The following DNAJC25 variants were observed in gnomAD, a reference collection of about 807,000 sequenced individuals.
The protein encoded by DNAJC25 is dnaJ homolog subfamily C member 25.
Under a neutral mutation model 42.1 loss-of-function variants are expected in DNAJC25, and 26 were observed. The observed-to-expected ratio is 0.62, with a 90% CI of 0.45 to 0.86. The LOEUF (loss-of-function observed/expected upper bound fraction) is 0.86. Among genes scored for constraint, DNAJC25 ranks in the 40% least tolerant of loss-of-function variants. DNAJC25 has a pLI of 0.00. For synonymous variants in DNAJC25, 189 were observed against 179.9 expected, an observed-to-expected ratio of 1.05 and a Z score of -0.40; for missense variants, 404 against 459.4, an observed-to-expected ratio of 0.88 and a Z score of 1.10.
chr9:111,640,989 G>A (rs1181139003), intron 1 of DNAJC25, among the ~76,000 whole-genome samples: 1 of 105,538 alleles, frequency 9.5e-6, no homozygotes, highest in Non-Finnish European at 1.8e-5. Context: ...CGTGCCGTCC[G>A]GGAGGGAGGT....
chr9:111,653,292 A>T lies in DNAJC25; in HGVS notation c.*70A>T. 2 of 1,397,448 alleles carry T rather than the reference A, an allele frequency of 1.4e-6. No homozygotes were observed. Among genetic ancestry groups the T allele is most frequent in the Non-Finnish European group, 1.9e-6 (2 of 1,064,818 alleles). The allele number at this position is 1,397,448 out of a possible 1,614,324, so 86.6% of individuals were successfully genotyped here. A position where few individuals can be genotyped will look rare whatever the true frequency, so the allele number is the denominator to read the frequency against. On this transcript the variant is annotated 3_prime_UTR_variant, in exon 4 of 4. Transcript: ENST00000313525. ...TTTTCATAACTGAATTATTTTAGAA[A>T]TGTATCAATTGACTGCTGCTCAGCA...
chr9:111,640,010 C>T (rs975166586), intron 1 of DNAJC25, among the ~76,000 whole-genome samples: 1 of 151,432 alleles, frequency 6.6e-6, no homozygotes, highest in Admixed American at 6.6e-5. Flanking sequence ...TGTACTGCTG[C>T]CATCTCGGCT....
At chr9:111,632,836 T>G (rs1277246153) in intron 1 of DNAJC25, among the ~76,000 whole-genome samples, 1 of 152,162 alleles carries the variant, frequency 6.6e-6, no homozygotes, top group Non-Finnish European at 1.5e-5. Flanking sequence ...GCTAACAACT[T>G]TATTGATGCC....
intron 1 of DNAJC25, among the ~76,000 whole-genome samples, chr9:111,642,645 AAAAT>A (rs955148224): frequency 1.1e-4 from 13 of 123,728 alleles, no homozygotes; most frequent in East Asian, 9.6e-4. Flanking sequence ...AAATAAATAA[AAAAT>A]AAATGTAAAA....
At position 111,653,990 on chromosome 9, in the gene DNAJC25, C is replaced by T. The variant is rs1361026688; in HGVS notation, c.*768C>T. ...GGACCTTGTAAAAAGGTCTTTTGTACCACAGTATTGGTTTTTTCCCCTCTC... is the reference window on the plus strand; with the variant it reads ...GGACCTTGTAAAAAGGTCTTTTGTATCACAGTATTGGTTTTTTCCCCTCTC... On this transcript the variant is annotated 3_prime_UTR_variant, in exon 4 of 4. Transcript: ENST00000313525. The T allele has an allele frequency of 5.3e-5, 8 of 152,048 alleles. No individual in the cohort carries two copies. Among genetic ancestry groups the T allele is most frequent in the African/African-American group, 1.9e-4 (8 of 41,254 alleles). 9.4% of individuals were successfully genotyped at this position (152,048 alleles called of 1,614,324 possible).
chr9:111,645,187 G>C (rs910191459), intron 1 of DNAJC25, among the ~76,000 whole-genome samples: 2 of 152,054 alleles, frequency 1.3e-5, no homozygotes, highest in Admixed American at 6.6e-5. Context: ...ACTGGTGAGA[G>C]GTAAGAAATT....
chr9:111,651,918 T>C (rs549817489), intron 3 of DNAJC25, among the ~76,000 whole-genome samples: 20 of 152,194 alleles, frequency 1.3e-4, no homozygotes, highest in Admixed American at 6.5e-4. Context: ...CTGTGGTTTA[T>C]TTAACCTTCT....
Position 111,649,522 on chromosome 9 carries a change from C to T in DNAJC25, c.559C>T (p.Gln187Ter). 1 of 1,613,614 alleles carries T rather than the reference C, an allele frequency of 6.2e-7. No homozygotes were observed. The highest frequency in any genetic ancestry group is 8.5e-7 in the Non-Finnish European group (1 of 1,179,922). ...AGCCACAGTGCCCAAGTACCGTATC[C>T]AAGCTACAGAGATTGCCAAGCAGCA... ...YLATVPKYRIQATEIAKQQGL... is the reference protein window; with the variant it reads ...YLATVPKYRI The change falls in exon 3 of 4, where the codon CAA (glutamine) becomes TAA (stop). Residue 187 changes from glutamine (Q) to a stop codon, truncating the protein, a stop_gained. Transcript: ENST00000313525. LOFTEE classifies it high-confidence loss of function.
At chr9:111,652,576 T>C (rs1231653348) in intron 3 of DNAJC25, among the ~76,000 whole-genome samples, 1 of 150,606 alleles carries the variant, frequency 6.6e-6, no homozygotes, top group Non-Finnish European at 1.5e-5. Context: ...AGTTTCACTC[T>C]TGTTGCCCAG....
At chr9:111,635,855 G>A (rs1190826703) in intron 1 of DNAJC25, among the ~76,000 whole-genome samples, 1 of 152,082 alleles carries the variant, frequency 6.6e-6, no homozygotes, top group African/African-American at 2.4e-5. Flanking sequence ...AGTCTGATGT[G>A]GCAGGGCTTT....
intron 1 of DNAJC25, among the ~76,000 whole-genome samples, chr9:111,633,799 A>T (rs1038064009): frequency 2.0e-5 from 3 of 152,178 alleles, no homozygotes; most frequent in Admixed American, 6.5e-5. Flanking sequence ...ATGAATCTAT[A>T]TGGTTGCCTC....
At chr9:111,652,496 C>T (rs1185244299) in intron 3 of DNAJC25, among the ~76,000 whole-genome samples, 1 of 143,888 alleles carries the variant, frequency 6.9e-6, no homozygotes, top group Non-Finnish European at 1.5e-5. Flanking sequence ...GCCTAGGCAA[C>T]CAAGAGAGAC....
intron 1 of DNAJC25, chr9:111,642,907 A>C (rs1472385917): frequency 2.1e-6 from 1 of 471,172 alleles, no homozygotes; most frequent in Non-Finnish European, 4.4e-6. Flanking sequence ...CACCAGCAGA[A>C]GCACCACAGT....
intron 1 of DNAJC25, among the ~76,000 whole-genome samples, chr9:111,632,065 T>G (rs1830291478): frequency 1.3e-5 from 2 of 152,272 alleles, no homozygotes; most frequent in African/African-American, 2.4e-5. Flanking sequence ...TGATCATTAT[T>G]AGTAGGATCT....
chr9:111,641,157 G>A (rs1192501624), intron 1 of DNAJC25, among the ~76,000 whole-genome samples: 3 of 101,486 alleles, frequency 3.0e-5, no homozygotes, highest in South Asian at 3.4e-4. Context: ...CCGGCCAGCC[G>A]CCCCATCCGG....
Position 111,639,904 on chromosome 9 carries a change from C to CTCCGTCTCCGTCTCCG in DNAJC25, c.337-7201_337-7200insCGTCTCCGTCTCCGTC, listed in dbSNP as rs1564083772. Among the ~76,000 whole-genome samples the CTCCGTCTCCGTCTCCG allele has an allele frequency of 5.8e-3, 418 of 72,270 alleles. 6 individuals are homozygous for CTCCGTCTCCGTCTCCG. Among genetic ancestry groups the CTCCGTCTCCGTCTCCG allele is most frequent in the African/African-American group, 0.016 (401 of 24,964 alleles). 47.4% of individuals were successfully genotyped at this position (72,270 alleles called of 152,430 possible). ...CTTTAAAGGCAAGGAGGAGCTCTCC[C>CTCCGTCTCCGTCTCCG]TCTCCCTCTCCCTCTCCCTCTCCCT... is the stretch of plus-strand genomic sequence containing the variant. On this transcript the variant is annotated intron_variant, in intron 1 of 3. Coordinates refer to ENST00000313525, the MANE Select transcript of DNAJC25 (RefSeq NM_001015882.3).
intron 1 of DNAJC25, among the ~76,000 whole-genome samples, chr9:111,636,912 G>A (rs975834412): frequency 3.3e-5 from 5 of 152,096 alleles, no homozygotes; most frequent in African/African-American, 9.7e-5. Context: ...TTACTGGTTC[G>A]TTAATTTCAG....
chr9:111,647,329 AAAACCTAACTGCG>A, intron 2 of DNAJC25, 70 bp downstream of exon 2: 1 of 1,524,778 alleles, frequency 6.6e-7, no homozygotes, highest in Non-Finnish European at 8.9e-7. Flanking sequence ...GCTAGTCATT[AAAACCTAACTGCG>A]AGTATCTTCT....
intron 1 of DNAJC25, among the ~76,000 whole-genome samples, chr9:111,641,773 T>A (rs1215384804): frequency 2.9e-5 from 3 of 103,312 alleles, no homozygotes; most frequent in African/African-American, 1.2e-4. Flanking sequence ...GGAGCCCCTC[T>A]GCCCGGCCAG....
Sources: gnomAD v4.1 joint callset for allele counts (sites outside exome capture counted in the v4.1 genomes callset) on GRCh38, gnomAD v4.1.1 for gene constraint, MANE v1.5 for transcripts, NCBI Gene and HGNC (gene_info 2026-07-23, HGNC 2026-07-21) for gene names.